DLG1: variants seen among roughly 807,000 people sequenced by gnomAD.
DLG1 encodes the protein discs large MAGUK scaffold protein 1, also known as disks large homolog 1.
A neutral mutation model predicts 123.4 loss-of-function variants in DLG1; 42 were observed. The observed-to-expected ratio is 0.34, with a 90% CI of 0.27 to 0.44. The LOEUF is 0.44. Among genes scored for constraint, DLG1 ranks in the 20% least tolerant of loss-of-function variants. The pLI is 1.00. For missense variants in DLG1, 942 were observed against 1,082.6 expected (o/e 0.87, Z 1.82); for synonymous variants, 317 against 356.2 (o/e 0.89, Z 1.24).
At chr3:197,133,899 T>C (rs568351100) in intron 10 of DLG1, among the ~76,000 whole-genome samples, 40 of 152,316 alleles carry the variant, frequency 2.6e-4, no homozygotes, top group African/African-American at 7.9e-4. Flanking sequence ...GGACTGAGAA[T>C]TGAATGATTC....
At chr3:197,178,283 A>C (rs573015330) in intron 5 of DLG1, among the ~76,000 whole-genome samples, 1 of 152,266 alleles carries the variant, frequency 6.6e-6, no homozygotes, top group East Asian at 1.9e-4. Context: ...CCAAATCATA[A>C]ATATATCTTG....
chr3:197,242,081 A>C (rs1187305139), intron 4 of DLG1, among the ~76,000 whole-genome samples: 1 of 152,176 alleles, frequency 6.6e-6, no homozygotes. Context: ...AGATACACAT[A>C]CATTAAAAGG....
intron 6 of DLG1, among the ~76,000 whole-genome samples, chr3:197,144,490 A>G (rs1435893687): frequency 6.6e-6 from 1 of 152,208 alleles, no homozygotes; most frequent in African/African-American, 2.4e-5. Flanking sequence ...AGAGCCATCC[A>G]ATTCATTATG....
At chr3:197,105,142 T>A in intron 13 of DLG1, 137 bp from the exon 14 acceptor site, 1 of 548,118 alleles carries the variant, frequency 1.8e-6, no homozygotes, top group Middle Eastern at 3.1e-4. Context: ...CTTGTTCTGA[T>A]TGACTAAAAA....
chr3:197,065,688 T>C lies in DLG1; in HGVS notation c.2200+20A>G, dbSNP rs757552102. On this transcript the variant is annotated intron_variant, in intron 21 of 24. Coordinates refer to ENST00000667157, the MANE Select transcript of DLG1 (RefSeq NM_001366207.1). ...AAATGTTAAGAGTAACAATTAAATG[T>C]TTTTGTTTGGTTTACTTACGAGGAA... The C allele has an allele frequency of 6.6e-7, 1 of 1,514,256 alleles. No individual in the cohort carries two copies. Among genetic ancestry groups the C allele is most frequent in the Non-Finnish European group, 9.1e-7 (1 of 1,097,650 alleles). 93.8% of individuals were successfully genotyped at this position (1,514,256 alleles called of 1,614,324 possible).
intron 5 of DLG1, among the ~76,000 whole-genome samples, chr3:197,179,940 A>T (rs909424810): frequency 4.3e-4 from 66 of 152,124 alleles, no homozygotes; most frequent in African/African-American, 1.5e-3. Context: ...CAACTCAGCT[A>T]ATATTTACTC....
At chr3:197,126,477 A>C (rs1183309515) in intron 11 of DLG1, among the ~76,000 whole-genome samples, 1 of 152,008 alleles carries the variant, frequency 6.6e-6, no homozygotes, top group East Asian at 1.9e-4. Context: ...TAAAAAAAAA[A>C]AACAACATAA....
intron 5 of DLG1, among the ~76,000 whole-genome samples, chr3:197,163,989 AG>A (rs1448808809): frequency 1.3e-5 from 2 of 152,192 alleles, no homozygotes; most frequent in Non-Finnish European, 2.9e-5. Context: ...ATTCCAAAAA[AG>A]CTTTTAAAAA....
At chr3:197,097,578 T>TCC (rs1451798149) in intron 14 of DLG1, among the ~76,000 whole-genome samples, 1 of 138,602 alleles carries the variant, frequency 7.2e-6, no homozygotes, top group African/African-American at 2.6e-5. Flanking sequence ...TTTTTGTACT[T>TCC]TCTTTTTTTT....
chr3:197,206,893 G>A (rs929629739), intron 4 of DLG1, among the ~76,000 whole-genome samples: 2 of 152,158 alleles, frequency 1.3e-5, no homozygotes, highest in African/African-American at 4.8e-5. Flanking sequence ...ATTTCAGTTA[G>A]GTATCCAGGT....
chr3:197,074,937 A>G (rs1411579081), intron 18 of DLG1, among the ~76,000 whole-genome samples: 2 of 152,056 alleles, frequency 1.3e-5, no homozygotes, highest in African/African-American at 4.8e-5. Flanking sequence ...TCAATGAATG[A>G]CAAAGAAGTT....
intron 5 of DLG1, among the ~76,000 whole-genome samples, chr3:197,192,928 A>C (rs1021599413): frequency 1.3e-5 from 2 of 152,216 alleles, no homozygotes; most frequent in African/African-American, 2.4e-5. Flanking sequence ...AGATATTAAA[A>C]GGTATTAGCA....
At chr3:197,124,307 C>T (rs760015864) in intron 11 of DLG1, among the ~76,000 whole-genome samples, 1 of 152,174 alleles carries the variant, frequency 6.6e-6, no homozygotes, top group Non-Finnish European at 1.5e-5. Flanking sequence ...CAGAGTCTTG[C>T]TTTGTCGCCC....
chr3:197,063,928 A>ATTT (rs34773162), intron 22 of DLG1, among the ~76,000 whole-genome samples: 3 of 132,370 alleles, frequency 2.3e-5, no homozygotes, highest in African/African-American at 8.5e-5. Flanking sequence ...CTTAATTTAC[A>ATTT]TTTTTTTTTT....
rs371754741 is a variant in DLG1 at position 197,201,200 on chromosome 3, A to G, written c.319-6611T>C. Among the ~76,000 whole-genome samples the G allele has an allele frequency of 2.9e-3, 443 of 152,278 alleles. 4 individuals are homozygous for G. Among genetic ancestry groups the G allele is most frequent in the African/African-American group, 0.01 (422 of 41,580 alleles). The stretch of plus-strand genomic sequence containing the variant: ...AGATCGAGACCATCCAGGCTAACAC[A>G]GTGAAAACCCGTCTCTACTAAAAAT... On this transcript the variant is annotated intron_variant, in intron 4 of 24. Transcript: ENST00000667157.
intron 4 of DLG1, among the ~76,000 whole-genome samples, chr3:197,210,390 T>C (rs1341645933): frequency 1.4e-5 from 2 of 144,480 alleles, no homozygotes; most frequent in Non-Finnish European, 3.1e-5. Flanking sequence ...AACCCTATTC[T>C]AGACAGATCA....
intron 4 of DLG1, among the ~76,000 whole-genome samples, chr3:197,230,925 C>T (rs1045038456): frequency 1.3e-5 from 2 of 150,144 alleles, no homozygotes; most frequent in African/African-American, 5.0e-5. Flanking sequence ...CATGATTCTT[C>T]CAACTGCTTT....
At chr3:197,208,182 T>C (rs1411888038) in intron 4 of DLG1, among the ~76,000 whole-genome samples, 1 of 146,396 alleles carries the variant, frequency 6.8e-6, no homozygotes, top group Non-Finnish European at 1.5e-5. Flanking sequence ...AGAGGATAAA[T>C]GTAAATTAAA....
chr3:197,187,195 T>A (rs1446127714), intron 5 of DLG1, among the ~76,000 whole-genome samples: 1 of 152,196 alleles, frequency 6.6e-6, no homozygotes, highest in Non-Finnish European at 1.5e-5. Flanking sequence ...GCAAACTATA[T>A]GCTCACCTTA....
Sources: gnomAD v4.1 joint callset for allele counts (sites outside exome capture counted in the v4.1 genomes callset) on GRCh38, gnomAD v4.1.1 for gene constraint, MANE v1.5 for transcripts, NCBI Gene and HGNC (gene_info 2026-07-23, HGNC 2026-07-21) for gene names.